The following KCNH8 variants were observed in gnomAD, a reference collection of about 807,000 sequenced individuals.
KCNH8 encodes the protein potassium voltage-gated channel subfamily H member 8.
KCNH8 carries 70 observed loss-of-function variants against 103.6 expected under a neutral mutation model. That is an observed-to-expected ratio of 0.68 (90% CI 0.56 to 0.82). KCNH8 has a LOEUF of 0.82. Ranked by LOEUF, KCNH8 falls within the 40% of genes least tolerant of loss-of-function variation. The pLI is 0.00. For missense variants in KCNH8, 1,217 were observed against 1,329.9 expected, an observed-to-expected ratio of 0.92 and a Z score of 1.32; for synonymous variants, 498 against 489.4, an observed-to-expected ratio of 1.02 and a Z score of -0.23.
intron 5 of KCNH8, among the ~76,000 whole-genome samples, chr3:19,367,329 C>T (rs550373712): frequency 6.7e-6 from 1 of 150,140 alleles, no homozygotes; most frequent in Non-Finnish European, 1.5e-5. Context: ...CACTATTTAA[C>T]TTATTTCCTT....
At chr3:19,526,084 T>C (rs1342007081) in intron 15 of KCNH8, among the ~76,000 whole-genome samples, 1 of 151,930 alleles carries the variant, frequency 6.6e-6, no homozygotes, top group Non-Finnish European at 1.5e-5. Flanking sequence ...GAAAAACCAT[T>C]TAATTTACCG....
At position 19,226,396 on chromosome 3, in the gene KCNH8, A is replaced by G. The variant is rs570446201; in HGVS notation, c.77-27258A>G. Reference sequence around the variant, plus strand: ...ACAGAGACTCTCTGCCTTGAACATTACAAGGGCATGCTTGATATTTCCTGG... The same window carrying G: ...ACAGAGACTCTCTGCCTTGAACATTGCAAGGGCATGCTTGATATTTCCTGG... On this transcript the variant is annotated intron_variant, in intron 1 of 15. Coordinates refer to ENST00000328405, the MANE Select transcript of KCNH8 (RefSeq NM_144633.3). Among the ~76,000 whole-genome samples, 5 of 152,322 alleles carry G rather than the reference A, an allele frequency of 3.3e-5. No individual in the cohort carries two copies. In the South Asian group the frequency reaches 1.0e-3, roughly 32 times the overall value.
intron 1 of KCNH8, among the ~76,000 whole-genome samples, chr3:19,233,061 T>TCCCC (rs1208431887): frequency 1.4e-4 from 9 of 62,400 alleles, no homozygotes; most frequent in African/African-American, 1.9e-4. Context: ...TTGATATTCC[T>TCCCC]CCCCCCCCCC....
chr3:19,402,477 G>A (rs953512968), intron 7 of KCNH8, among the ~76,000 whole-genome samples: 1 of 151,870 alleles, frequency 6.6e-6, no homozygotes, highest in South Asian at 2.1e-4. Context: ...AAGAGTATAT[G>A]TGAAAGCAGT....
At position 19,259,277 on chromosome 3, in the gene KCNH8, CA is replaced by C. The variant is rs1207378640; in HGVS notation, c.310+5394del. 6.7e-3 allele frequency among the ~76,000 whole-genome samples: 1,011 copies of C among 151,372 alleles called. 10 individuals are homozygous for C. Among genetic ancestry groups the C allele is most frequent in the African/African-American group, 0.022 (910 of 41,358 alleles). ...GAAAACTAAGCCACTACCATGAATA[CA>C]AAACCAGGATTACTAACTTCAAATA... On this transcript the variant is annotated intron_variant, in intron 2 of 15. Coordinates refer to ENST00000328405, the MANE Select transcript of KCNH8 (RefSeq NM_144633.3).
At chr3:19,517,693 G>A (rs1420757013) in intron 14 of KCNH8, among the ~76,000 whole-genome samples, 8 of 151,932 alleles carry the variant, frequency 5.3e-5, no homozygotes, top group Non-Finnish European at 1.0e-4. Flanking sequence ...AATGGTCAAA[G>A]AAAAGAAAAT....
intron 15 of KCNH8, among the ~76,000 whole-genome samples, chr3:19,532,661 T>A (rs950707718): frequency 1.3e-5 from 2 of 152,230 alleles, no homozygotes; most frequent in Admixed American, 1.3e-4. Flanking sequence ...GTGATTTTTG[T>A]GCACTATCAT....
intron 7 of KCNH8, among the ~76,000 whole-genome samples, chr3:19,409,050 C>T (rs765994446): frequency 3.3e-5 from 5 of 151,942 alleles, no homozygotes; most frequent in African/African-American, 4.8e-5. Flanking sequence ...AAACAAATAT[C>T]ACCAAGACAT....
chr3:19,363,142 C>G (rs560379762), intron 5 of KCNH8, among the ~76,000 whole-genome samples: 3 of 152,132 alleles, frequency 2.0e-5, no homozygotes, highest in African/African-American at 7.2e-5. Flanking sequence ...CTTATGCAGA[C>G]TTGGCTCAGC....
At chr3:19,166,121 C>A (rs1047105754) in intron 1 of KCNH8, among the ~76,000 whole-genome samples, 2 of 152,062 alleles carry the variant, frequency 1.3e-5, no homozygotes, top group African/African-American at 4.8e-5. Flanking sequence ...ATAATAAAAT[C>A]CATCATATTT....
intron 11 of KCNH8, among the ~76,000 whole-genome samples, chr3:19,474,919 T>A (rs1034097803): frequency 1.3e-5 from 2 of 152,136 alleles, no homozygotes; most frequent in African/African-American, 4.8e-5. Context: ...AATGTTAGCA[T>A]CATATATAGA....
chr3:19,471,606 C>A (rs2067857149), intron 11 of KCNH8, among the ~76,000 whole-genome samples: 1 of 152,152 alleles, frequency 6.6e-6, no homozygotes, highest in South Asian at 2.1e-4. Flanking sequence ...ATTCTCACAA[C>A]AACTTTAGAA....
At chr3:19,354,435 C>T (rs1575550600) in intron 5 of KCNH8, among the ~76,000 whole-genome samples, 2 of 152,090 alleles carry the variant, frequency 1.3e-5, no homozygotes, top group Non-Finnish European at 2.9e-5. Flanking sequence ...CAGTCCTAAG[C>T]CAAAAGAAGA....
intron 11 of KCNH8, among the ~76,000 whole-genome samples, chr3:19,480,989 T>C (rs1180205398): frequency 1.3e-5 from 2 of 152,152 alleles, no homozygotes; most frequent in Non-Finnish European, 2.9e-5. Context: ...AGATTATCTT[T>C]CTTTCCCACT....
intron 11 of KCNH8, among the ~76,000 whole-genome samples, chr3:19,467,756 A>G (rs1236665611): frequency 6.6e-6 from 1 of 152,140 alleles, no homozygotes; most frequent in Non-Finnish European, 1.5e-5. Context: ...AAACTGTCTC[A>G]TTTTGCTGCT....
At chr3:19,342,541 GA>G (rs750075732) in intron 3 of KCNH8, 45 bp from the exon 4 acceptor site, 1 of 1,574,474 alleles carries the variant, frequency 6.4e-7, no homozygotes, top group Non-Finnish European at 8.6e-7. Context: ...TTCTTGAGGT[GA>G]AATGATGCAT....
chr3:19,252,580 G>A (rs1045129380), intron 1 of KCNH8, among the ~76,000 whole-genome samples: 4 of 151,826 alleles, frequency 2.6e-5, no homozygotes, highest in Admixed American at 2.0e-4. Context: ...AGTAGGGATG[G>A]GGTTTCACCA....
intron 1 of KCNH8, among the ~76,000 whole-genome samples, chr3:19,192,917 A>G (rs139974794): frequency 3.3e-5 from 5 of 151,778 alleles, no homozygotes; most frequent in African/African-American, 1.2e-4. Context: ...AGGTCTACAA[A>G]CTTACTGGAA....
rs999545397 is a variant in KCNH8 at position 19,232,952 on chromosome 3, A to G, written c.77-20702A>G. On this transcript the variant is annotated intron_variant, in intron 1 of 15. Coordinates refer to ENST00000328405, the MANE Select transcript of KCNH8 (RefSeq NM_144633.3). ...TTGACACATAAAATGGCAATTTTCT[A>G]TGATTCAACCTAAATAAGTCCCCTA... Among the ~76,000 whole-genome samples the G allele has an allele frequency of 2.9e-4, 44 of 152,120 alleles. 1 individual carries two copies. The highest frequency in any genetic ancestry group is 1.1e-3 in the African/African-American group (44 of 41,424).
Sources: gnomAD v4.1 joint callset for allele counts (sites outside exome capture counted in the v4.1 genomes callset) on GRCh38, gnomAD v4.1.1 for gene constraint, MANE v1.5 for transcripts, NCBI Gene and HGNC (gene_info 2026-07-23, HGNC 2026-07-21) for gene names.